Variants in PALM observed in about 807,000 individuals in gnomAD.
PALM encodes the protein paralemmin.
PALM carries 18 observed loss-of-function variants against 30.7 expected under a neutral mutation model. That is an observed-to-expected ratio of 0.59 (90% CI 0.41 to 0.87). The LOEUF (loss-of-function observed/expected upper bound fraction) is 0.87. Ranked by LOEUF, PALM falls within the 40% of genes least tolerant of loss-of-function variation. PALM has a pLI of 0.00. For synonymous variants in PALM, 286 were observed against 242.8 expected, an observed-to-expected ratio of 1.18 and a Z score of -1.66; for missense variants, 529 against 555.4, an observed-to-expected ratio of 0.95 and a Z score of 0.48.
chr19:732,445 A>T (rs542011417), intron 5 of PALM, among the ~76,000 whole-genome samples: 1 of 152,336 alleles, frequency 6.6e-6, no homozygotes, highest in South Asian at 2.1e-4. Flanking sequence ...CTGTAATCGC[A>T]GCACTTTGGG....
At chr19:727,243 CGACCCCGACCCTGACCCCAACCT>C (rs2032709417) in intron 3 of PALM, among the ~76,000 whole-genome samples, 155 bp downstream of exon 3, 3 of 93,524 alleles carry the variant, frequency 3.2e-5, no homozygotes, top group East Asian at 2.8e-4. Flanking sequence ...ACCCCGACCC[CGACCCCGACCCTGACCCCAACCT>C]GACCCCGACC....
Position 740,488 on chromosome 19 carries a change from G to A in PALM, c.634+5G>A, listed in dbSNP as rs748728536. On this transcript the variant is annotated splice_donor_5th_base_variant and intron_variant, in intron 8 of 8. Transcript: ENST00000338448. ...TCTACGAGGACGAGACCAAAGGTAC[G>A]AGCACCCCGGCCCCTGCCCTCCCTC... 3.3e-5 allele frequency: 51 copies of A among 1,549,124 alleles called. No individual in the cohort carries two copies. The highest frequency in any genetic ancestry group is 2.7e-5 in the African/African-American group (2 of 73,050).
At chr19:744,565 A>C (rs2033282947) in intron 8 of PALM, among the ~76,000 whole-genome samples, 3 of 152,092 alleles carry the variant, frequency 2.0e-5, no homozygotes, top group Admixed American at 2.0e-4. Flanking sequence ...TCAATTTAAG[A>C]TCAATCAAAT....
At chr19:718,700 C>T (rs556281857) in intron 1 of PALM, among the ~76,000 whole-genome samples, 18 of 152,202 alleles carry the variant, frequency 1.2e-4, no homozygotes, top group Admixed American at 3.9e-4. Context: ...TGGGGGCCTC[C>T]GTGCTGCATC....
chr19:715,348 C>G (rs1431446933), intron 1 of PALM, among the ~76,000 whole-genome samples: 3 of 152,062 alleles, frequency 2.0e-5, no homozygotes, highest in East Asian at 1.9e-4. Context: ...ATCTAGGAAA[C>G]CTGTCATTTG....
Position 747,028 on chromosome 19 carries a change from A to G in PALM, c.*214A>G. The G allele has an allele frequency of 1.8e-6, 1 of 569,232 alleles. No individual in the cohort carries two copies. Among genetic ancestry groups the G allele is most frequent in the Non-Finnish European group, 3.1e-6 (1 of 319,726 alleles). 35.3% of individuals were successfully genotyped at this position (569,232 alleles called of 1,614,324 possible). A position where few individuals can be genotyped will look rare whatever the true frequency, so the allele number is the denominator to read the frequency against. Reference sequence around the variant, plus strand: ...CACTCCCCCCGAACCAGAGCCGTGCACTTGTGCCTGGTAGGAGAGAGACAG... The same window carrying G: ...CACTCCCCCCGAACCAGAGCCGTGCGCTTGTGCCTGGTAGGAGAGAGACAG... On this transcript the variant is annotated 3_prime_UTR_variant, in exon 9 of 9. Transcript: ENST00000338448.
At chr19:733,350 G>A (rs1423238466) in intron 5 of PALM, among the ~76,000 whole-genome samples, 2 of 152,236 alleles carry the variant, frequency 1.3e-5, no homozygotes, top group Non-Finnish European at 2.9e-5. Flanking sequence ...CTGCCTTCCT[G>A]ACGGGCACAC....
intron 3 of PALM, 22 bp from the exon 4 acceptor site, chr19:727,542 G>T (rs772934055): frequency 1.3e-6 from 2 of 1,575,746 alleles, no homozygotes; most frequent in Admixed American, 1.8e-5. Flanking sequence ...CCACGACTCT[G>T]ACCTGGATCC....
chr19:737,692 A>C (rs2033063288), intron 7 of PALM, among the ~76,000 whole-genome samples: 1 of 152,034 alleles, frequency 6.6e-6, no homozygotes, highest in South Asian at 2.1e-4. Context: ...TTCCAGGCAG[A>C]GGGCACGGCC....
chr19:719,571 G>C (rs1451085679), intron 1 of PALM: 1 of 986,464 alleles, frequency 1.0e-6, no homozygotes, highest in Admixed American at 6.2e-5. Flanking sequence ...CCCAGCACCT[G>C]CCCTGGGACC....
intron 2 of PALM, 81 bp downstream of exon 2, chr19:726,270 C>T (rs139668557): frequency 3.4e-6 from 4 of 1,167,530 alleles, no homozygotes; most frequent in Non-Finnish European, 5.1e-6. Context: ...TGGACCTGTC[C>T]TAGGACCTGG....
chr19:717,532 G>C (rs1244560977), intron 1 of PALM, among the ~76,000 whole-genome samples: 12 of 152,166 alleles, frequency 7.9e-5, no homozygotes, highest in Non-Finnish European at 5.9e-5. Context: ...CGGCCACATT[G>C]CGTTTACCCA....
Position 740,372 on chromosome 19 carries a change from A to C in PALM, c.523A>C (p.Thr175Pro). The C allele has an allele frequency of 6.4e-7, 1 of 1,565,658 alleles. No homozygotes were observed. Among genetic ancestry groups the C allele is most frequent in the African/African-American group, 1.4e-5 (1 of 73,976 alleles). ...GCCAGCCATGTACTCGGTTGAGATC[A>C]CTGTGGAGAAGGACAAGGTGACAGG... is the stretch of plus-strand genomic sequence containing the variant. ...MKAAMYSVEI[T>P]VEKDKVTGET... The change falls in exon 8 of 9, where the codon ACT becomes CCT. Residue 175 changes from threonine (T) to proline (P), a missense_variant. Coordinates refer to ENST00000338448, the MANE Select transcript of PALM (RefSeq NM_002579.3).
Position 728,132 on chromosome 19 carries a change from G to A in PALM, c.269+438G>A, listed in dbSNP as rs189474339. ...TGGCGGGCAAGCGCTCCCATGGTTCGAACGGGATGGATGCAGAGCAGCTGG... is the reference window on the plus strand; with the variant it reads ...TGGCGGGCAAGCGCTCCCATGGTTCAAACGGGATGGATGCAGAGCAGCTGG... On this transcript the variant is annotated intron_variant, in intron 4 of 8. Coordinates refer to ENST00000338448, the MANE Select transcript of PALM (RefSeq NM_002579.3). Among the ~76,000 whole-genome samples, 9 of 152,314 alleles carry A rather than the reference G, an allele frequency of 5.9e-5. No homozygotes were observed. The East Asian group carries it at 9.7e-4, about 16-fold the overall frequency.
At chr19:734,793 C>T in intron 6 of PALM, 2 of 157,068 alleles carry the variant, frequency 1.3e-5, no homozygotes, top group Admixed American at 6.2e-5. Context: ...GATCGCACCA[C>T]TGCACCCCAG....
chr19:731,956 C>T (rs1297722710), intron 5 of PALM, among the ~76,000 whole-genome samples: 2 of 152,264 alleles, frequency 1.3e-5, no homozygotes, highest in Non-Finnish European at 2.9e-5. Context: ...AGTCACCTTA[C>T]TTGGCCTGGT....
At chr19:710,587 T>C (rs1253832596) in intron 1 of PALM, among the ~76,000 whole-genome samples, 4 of 151,730 alleles carry the variant, frequency 2.6e-5, no homozygotes, top group African/African-American at 4.8e-5. Flanking sequence ...GTCGGGCCCA[T>C]TGTTTCCTTC....
In PALM at chr19:746,763, C is replaced by T. The variant is rs769316612; in HGVS notation, c.1113C>T (p.Pro371=). ...QAGPEATTSD[P]QDLDMKKHRC... The stretch of plus-strand genomic sequence containing the variant: ...GGCCCGAGGCCACCACCAGCGACCC[C>T]CAGGACCTCGACATGAAGAAGCACC... Residue 371 remains proline (P), a synonymous_variant, in exon 9 of 9, where the codon CCC becomes CCT. Transcript: ENST00000338448. The surrounding 1 kb of genome is among the most constrained non-coding windows in gnomAD (Gnocchi z 7.1). 3 of 1,591,686 alleles carry T rather than the reference C, an allele frequency of 1.9e-6. No individual in the cohort carries two copies. Among genetic ancestry groups the T allele is most frequent in the African/African-American group, 1.3e-5 (1 of 74,572 alleles).
intron 1 of PALM, among the ~76,000 whole-genome samples, chr19:718,623 C>T (rs1243436638): frequency 1.3e-5 from 2 of 152,126 alleles, no homozygotes; most frequent in Non-Finnish European, 2.9e-5. Flanking sequence ...TCTCCTCTCC[C>T]CCGGGGTGAT....
Sources: gnomAD v4.1 joint callset for allele counts (sites outside exome capture counted in the v4.1 genomes callset) on GRCh38, gnomAD v4.1.1 for gene constraint, Gnocchi (gnomAD v3.1) non-coding constraint, MANE v1.5 for transcripts, NCBI Gene and HGNC (gene_info 2026-07-23, HGNC 2026-07-21) for gene names.